The following ADAMTSL1 variants were observed in gnomAD, a reference collection of about 807,000 sequenced individuals.
ADAMTSL1 encodes ADAMTS-like protein 1.
In ADAMTSL1, 126 loss-of-function variants were observed where a neutral mutation model predicts 201.8. The ratio of observed to expected loss-of-function variants is 0.62; its 90% CI spans 0.54 to 0.72. The LOEUF is 0.72. ADAMTSL1 is among the 30% of genes least tolerant of loss of function. The pLI, the probability that ADAMTSL1 is intolerant of heterozygous loss-of-function variation, is 0.00. For synonymous variants in ADAMTSL1, 1,121 were observed against 903.4 expected (o/e 1.24, Z -4.32); for missense variants, 2,679 against 2,277.8 (o/e 1.18, Z -3.59).
rs959648554 is a variant in ADAMTSL1 at position 18,599,721 on chromosome 9, G to A, written c.475-22522G>A. ...GCAGCCTATGGATAACTTCTGTTCT[G>A]CACCCATCATGGGCTTCTGTAAAAA... On this transcript the variant is annotated intron_variant, in intron 4 of 28. Transcript: ENST00000380548. Among the ~76,000 whole-genome samples, 16 of 151,802 alleles carry A rather than the reference G, an allele frequency of 1.1e-4. No homozygotes were observed. In the East Asian group the frequency reaches 3.1e-3, roughly 29 times the overall value.
At chr9:17,966,735 A>C (rs1339925253) in intron 1 of ADAMTSL1, among the ~76,000 whole-genome samples, 1 of 152,174 alleles carries the variant, frequency 6.6e-6, no homozygotes, top group Non-Finnish European at 1.5e-5. Flanking sequence ...TGAGTGCTAC[A>C]AATGGTGATA....
At position 18,639,366 on chromosome 9, in the gene ADAMTSL1, G is replaced by T. The variant is rs1827301582; in HGVS notation, c.789G>T (p.Glu263Asp). The T allele has an allele frequency of 1.2e-6, 2 of 1,612,896 alleles. No homozygotes were observed. Among genetic ancestry groups the T allele is most frequent in the Admixed American group, 1.7e-5 (1 of 59,850 alleles). Reference sequence around the variant, plus strand: ...ACTTCCAGAAATTTCCAGACAAAGAGATACTGAGAATGGCTGGACCACTCA... The same window carrying T: ...ACTTCCAGAAATTTCCAGACAAAGATATACTGAGAATGGCTGGACCACTCA... ...SVDFQKFPDKEILRMAGPLTA... is the reference protein window; with the variant it reads ...SVDFQKFPDKDILRMAGPLTA... Residue 263 changes from glutamate (E) to aspartate (D), a missense_variant, in exon 7 of 29, where the codon GAG (glutamate) becomes GAT (aspartate). Coordinates refer to ENST00000380548, the MANE Select transcript of ADAMTSL1 (RefSeq NM_001040272.6).
At chr9:18,578,452 G>A (rs1413622087) in intron 4 of ADAMTSL1, among the ~76,000 whole-genome samples, 1 of 152,112 alleles carries the variant, frequency 6.6e-6, no homozygotes, top group Non-Finnish European at 1.5e-5. Context: ...TTAGAGAGAA[G>A]GCTGAGCTAG....
At chr9:18,485,912 C>T (rs1479846104) in intron 1 of ADAMTSL1, among the ~76,000 whole-genome samples, 1 of 152,200 alleles carries the variant, frequency 6.6e-6, no homozygotes, top group African/African-American at 2.4e-5. Context: ...TGAGAAGCCA[C>T]GAAGGCAGTA....
At chr9:18,410,597 T>C (rs1473743106) in intron 2 of ADAMTSL1, among the ~76,000 whole-genome samples, 1 of 152,240 alleles carries the variant, frequency 6.6e-6, no homozygotes, top group African/African-American at 2.4e-5. Flanking sequence ...GGTGCATATA[T>C]ACCACATTTT....
chr9:18,889,255 T>C (rs1008720125), intron 24 of ADAMTSL1, among the ~76,000 whole-genome samples: 1 of 152,346 alleles, frequency 6.6e-6, no homozygotes, highest in South Asian at 2.1e-4. Flanking sequence ...AGATGACCTG[T>C]GGCATTAATT....
intron 9 of ADAMTSL1, among the ~76,000 whole-genome samples, chr9:18,674,325 C>T (rs1245596982): frequency 1.3e-5 from 2 of 152,038 alleles, no homozygotes; most frequent in East Asian, 3.9e-4. Context: ...TAAGTTAGTA[C>T]TCCAATGACC....
intron 2 of ADAMTSL1, among the ~76,000 whole-genome samples, chr9:18,424,405 C>T (rs1248416883): frequency 6.6e-6 from 1 of 152,206 alleles, no homozygotes; most frequent in African/African-American, 2.4e-5. Context: ...CCCATGACAG[C>T]ACTCAGCTCA....
chr9:18,746,163 T>C (rs138843456), intron 15 of ADAMTSL1, among the ~76,000 whole-genome samples: 24 of 152,296 alleles, frequency 1.6e-4, no homozygotes, highest in East Asian at 1.5e-3. Context: ...GTGACCAGAT[T>C]CACATTTTTG....
chr9:18,830,928 A>T (rs899140289), intron 23 of ADAMTSL1, among the ~76,000 whole-genome samples: 9 of 152,242 alleles, frequency 5.9e-5, no homozygotes, highest in African/African-American at 2.2e-4. Context: ...AGCTAGAATT[A>T]TTCCTGTGGC....
intron 3 of ADAMTSL1, among the ~76,000 whole-genome samples, chr9:18,541,244 C>T (rs910515432): frequency 6.6e-6 from 1 of 152,216 alleles, no homozygotes; most frequent in African/African-American, 2.4e-5. Context: ...GGCGCAGTGG[C>T]TCATGCCTGT....
intron 16 of ADAMTSL1, among the ~76,000 whole-genome samples, chr9:18,755,122 T>C (rs1444518264): frequency 2.0e-5 from 3 of 152,238 alleles, no homozygotes; most frequent in Admixed American, 1.3e-4. Flanking sequence ...TGAGCACTTT[T>C]GTTTTACAGA....
chr9:18,212,891 G>A (rs1829928668), intron 2 of ADAMTSL1, among the ~76,000 whole-genome samples: 2 of 152,168 alleles, frequency 1.3e-5, no homozygotes, highest in South Asian at 4.1e-4. Flanking sequence ...AGATTTGGGA[G>A]AGAACAACAC....
intron 2 of ADAMTSL1, among the ~76,000 whole-genome samples, chr9:18,167,602 G>T (rs1409040911): frequency 6.6e-6 from 1 of 151,964 alleles, no homozygotes; most frequent in Non-Finnish European, 1.5e-5. Flanking sequence ...TTGGCTGCAA[G>T]GCAGGTAACT....
At chr9:18,500,585 G>A (rs932134539) in intron 1 of ADAMTSL1, among the ~76,000 whole-genome samples, 1 of 152,022 alleles carries the variant, frequency 6.6e-6, no homozygotes, top group Admixed American at 6.5e-5. Flanking sequence ...AACTCAAGGG[G>A]CCTAGTCAAC....
intron 1 of ADAMTSL1, among the ~76,000 whole-genome samples, chr9:17,928,079 C>T (rs751633333): frequency 2.6e-5 from 4 of 151,588 alleles, no homozygotes; most frequent in Admixed American, 6.6e-5. Flanking sequence ...ACTGCAGCCT[C>T]GACTTCCTGG....
At chr9:18,638,643 C>T (rs1008660448) in intron 6 of ADAMTSL1, among the ~76,000 whole-genome samples, 2 of 151,970 alleles carry the variant, frequency 1.3e-5, no homozygotes, top group African/African-American at 4.8e-5. Flanking sequence ...TTATGAAATA[C>T]CTTATATATG....
At chr9:18,503,602 C>T (rs762064372) in intron 1 of ADAMTSL1, among the ~76,000 whole-genome samples, 19 of 151,896 alleles carry the variant, frequency 1.3e-4, no homozygotes, top group Non-Finnish European at 2.6e-4. Flanking sequence ...AAAACTAAAG[C>T]ATATGAGATT....
At chr9:17,949,757 G>A (rs1827655781) in intron 1 of ADAMTSL1, among the ~76,000 whole-genome samples, 1 of 152,104 alleles carries the variant, frequency 6.6e-6, no homozygotes, top group Non-Finnish European at 1.5e-5. Context: ...AGCAACATGT[G>A]CAACTAATGT....
Sources: gnomAD v4.1 joint callset for allele counts (sites outside exome capture counted in the v4.1 genomes callset) on GRCh38, gnomAD v4.1.1 for gene constraint, MANE v1.5 for transcripts, NCBI Gene and HGNC (gene_info 2026-07-23, HGNC 2026-07-21) for gene names.